The following SMARCA4 variants were observed in gnomAD, a reference collection of about 807,000 sequenced individuals.
SMARCA4 encodes the protein SWI/SNF-related matrix-associated actin-dependent regulator of chromatin subfamily A member 4.
SMARCA4 carries 31 observed loss-of-function variants against 193.9 expected under a neutral mutation model. The ratio of observed to expected loss-of-function variants is 0.16; its 90% CI spans 0.12 to 0.22. The LOEUF is 0.22. SMARCA4 is among the 10% of genes least tolerant of loss of function. SMARCA4 has a pLI of 1.00. For synonymous variants in SMARCA4, 942 were observed against 933.1 expected (o/e 1.01, Z -0.17); for missense variants, 1,148 against 2,296.0 (o/e 0.50, Z 10.22).
At chr19:11,017,810 C>G (rs1401755577) in intron 16 of SMARCA4, among the ~76,000 whole-genome samples, 1 of 152,258 alleles carries the variant, frequency 6.6e-6, no homozygotes, top group East Asian at 1.9e-4. Context: ...CAGCCTCCCC[C>G]AGGTTTCTGC....
chr19:10,984,613 G>A lies in SMARCA4; in HGVS notation c.222+240G>A, dbSNP rs961958451. Among the ~76,000 whole-genome samples the A allele has an allele frequency of 6.6e-6, 1 of 152,246 alleles. No individual in the cohort carries two copies. Among genetic ancestry groups the A allele is most frequent in the Non-Finnish European group, 1.5e-5 (1 of 68,038 alleles). Reference sequence around the variant, plus strand: ...GCGGGCACCTGCCCCACCGTTTCCCGCTCCCTTGCTTTCTGCATGTGAAAT... The same window carrying A: ...GCGGGCACCTGCCCCACCGTTTCCCACTCCCTTGCTTTCTGCATGTGAAAT... On this transcript the variant is annotated intron_variant, in intron 2 of 34. Coordinates refer to ENST00000344626, the MANE Select transcript of SMARCA4 (RefSeq NM_003072.5). This position sits in a 1 kb window ranked among gnomAD's most constrained non-coding sequence, Gnocchi z 4.3.
intron 30 of SMARCA4, among the ~76,000 whole-genome samples, chr19:11,055,547 G>C (rs1317615258): frequency 6.6e-6 from 1 of 152,014 alleles, no homozygotes; most frequent in African/African-American, 2.4e-5. Context: ...GGAGGTGGCT[G>C]TTGGGGTGGT....
At chr19:11,043,365 T>C (rs2075728635) in intron 30 of SMARCA4, among the ~76,000 whole-genome samples, 1 of 152,188 alleles carries the variant, frequency 6.6e-6, no homozygotes, top group Non-Finnish European at 1.5e-5. Context: ...ATATTCAAGT[T>C]CAATGCCAGA....
Position 11,022,648 on chromosome 19 carries a change from C to T in SMARCA4, c.2859+681C>T, listed in dbSNP as rs2146438261. Among the ~76,000 whole-genome samples, 3 of 152,334 alleles carry T rather than the reference C, an allele frequency of 2.0e-5. No homozygotes were observed. The South Asian group carries it at 6.2e-4, about 32-fold the overall frequency. On this transcript the variant is annotated intron_variant, in intron 19 of 34. Transcript: ENST00000344626. ...ACAGAGGTTACCTCGAAGTGCCCTG[C>T]CCAGCACGGCTGGGCCCACCCCCTT...
chr19:11,002,970 G>A (rs2087795870), intron 11 of SMARCA4, 59 bp from the exon 12 acceptor site: 9 of 1,607,194 alleles, frequency 5.6e-6, no homozygotes, highest in Non-Finnish European at 7.7e-6. Flanking sequence ...CTTGGCCTCT[G>A]TAAGTGTTTG....
chr19:10,963,081 C>T (rs961041840), intron 1 of SMARCA4, among the ~76,000 whole-genome samples: 3 of 152,048 alleles, frequency 2.0e-5, no homozygotes, highest in African/African-American at 4.8e-5. Context: ...GTGTAAAAGG[C>T]TTGGTGCAGG....
At position 11,019,766 on chromosome 19, in the gene SMARCA4, C is replaced by A; in HGVS notation, c.2616+65C>A. ...GTGCTCACACGTGGGTCACGCTGCCCGTCTCCTCCAAAGCCCCTACAAGTT... is the reference window on the plus strand; with the variant it reads ...GTGCTCACACGTGGGTCACGCTGCCAGTCTCCTCCAAAGCCCCTACAAGTT... On this transcript the variant is annotated intron_variant, in intron 18 of 34. Coordinates refer to ENST00000344626, the MANE Select transcript of SMARCA4 (RefSeq NM_003072.5). The surrounding 1 kb of genome is among the most constrained non-coding windows in gnomAD (Gnocchi z 6.1). 2.7e-6 allele frequency: 3 copies of A among 1,105,326 alleles called. No individual in the cohort carries two copies. Among genetic ancestry groups the A allele is most frequent in the South Asian group, 2.6e-5 (2 of 77,274 alleles). 68.5% of individuals were successfully genotyped at this position (1,105,326 alleles called of 1,614,324 possible). A position where few individuals can be genotyped will look rare whatever the true frequency, so the allele number is the denominator to read the frequency against.
chr19:11,007,812 C>A (rs2146185323), intron 13 of SMARCA4, 90 bp from the exon 14 acceptor site: 2 of 1,380,590 alleles, frequency 1.4e-6, no homozygotes, highest in Non-Finnish European at 2.0e-6. Flanking sequence ...GTAAGAAGAT[C>A]ACTTGCTTCT....
At position 11,019,391 on chromosome 19, in the gene SMARCA4, C is replaced by T. The variant is rs1175093227; in HGVS notation, c.2506-200C>T. ...GGCCGCCGCTGGCCTGCACTGCTTC[C>T]TCTTCCCCCTGCAGCGCGTGTTCTG... On this transcript the variant is annotated intron_variant, in intron 17 of 34. Transcript: ENST00000344626. This position sits in a 1 kb window ranked among gnomAD's most constrained non-coding sequence, Gnocchi z 6.1. 1 of 620,298 alleles carries T rather than the reference C, an allele frequency of 1.6e-6. No homozygotes were observed. The highest frequency in any genetic ancestry group is 2.9e-6 in the Non-Finnish European group (1 of 345,074). The allele number at this position is 620,298 out of a possible 1,614,324, so 38.4% of individuals were successfully genotyped here. A position where few individuals can be genotyped will look rare whatever the true frequency, so the allele number is the denominator to read the frequency against.
At chr19:11,015,374 T>C (rs567399030) in intron 16 of SMARCA4, among the ~76,000 whole-genome samples, 1 of 152,314 alleles carries the variant, frequency 6.6e-6, no homozygotes, top group East Asian at 1.9e-4. Context: ...TTTGTCCTGG[T>C]CGAGCTTGAC....
rs2088396848 is a variant in SMARCA4 at position 11,007,930 on chromosome 19, C to G, written c.2030C>G (p.Ala677Gly). 1 of 1,613,658 alleles carries G rather than the reference C, an allele frequency of 6.2e-7. No homozygotes were observed. The highest frequency in any genetic ancestry group is 1.1e-5 in the South Asian group (1 of 91,060). The change falls in exon 14 of 35, where the codon GCA becomes GGA. Residue 677 changes from alanine (A) to glycine (G), a missense_variant. Transcript: ENST00000344626. ...EEEEEEQPQA[A>G]QPPTLPVEEK... ...GAGGAGGAAGAGCAGCCGCAGGCAG[C>G]ACAGCCTCCCACCCTGCCCGTGGAG...
chr19:10,986,467 G>A lies in SMARCA4; in HGVS notation c.634G>A (p.Gly212Arg), dbSNP rs886937766. 6.4e-7 allele frequency: 1 copy of A among 1,556,004 alleles called. No homozygotes were observed. The highest frequency in any genetic ancestry group is 8.7e-7 in the Non-Finnish European group (1 of 1,150,818). Residue 212 changes from glycine (G) to arginine (R), a missense_variant, in exon 4 of 35, where the codon GGG (glycine) becomes AGG (arginine). Gly to Arg is a moderately radical substitution (Grantham distance 125, BLOSUM62 -2). Transcript: ENST00000344626. The surrounding 1 kb of genome is among the most constrained non-coding windows in gnomAD (Gnocchi z 6.7). ...GGTGCAGGGCAAGCGGCCGATGCCCGGGATGCAGCAGCAGATGCCAACGCT... is the reference window on the plus strand; with the variant it reads ...GGTGCAGGGCAAGCGGCCGATGCCCAGGATGCAGCAGCAGATGCCAACGCT... ...MAVQGKRPMPGMQQQMPTLPP... is the reference protein window; with the variant it reads ...MAVQGKRPMPRMQQQMPTLPP...
At chr19:11,028,593 G>A (rs1269033456) in intron 24 of SMARCA4, among the ~76,000 whole-genome samples, 3 of 152,224 alleles carry the variant, frequency 2.0e-5, no homozygotes, top group Non-Finnish European at 2.9e-5. Context: ...CTGCCAGGCA[G>A]GAGCAGCAGC....
Position 11,003,226 on chromosome 19 carries a change from G to C in SMARCA4, c.1943+67G>C, listed in dbSNP as rs2288844. On this transcript the variant is annotated intron_variant, in intron 12 of 34. Transcript: ENST00000344626. ...TCCTCGGTGGGCCTTGTTCCAGGGA[G>C]GTGGCAGCCAGGAGCAATTTTACTT... The C allele has an allele frequency of 3.7e-6, 6 of 1,611,078 alleles. No individual in the cohort carries two copies. The East Asian group carries it at 1.3e-4, about 36-fold the overall frequency.
chr19:10,988,156 T>C (rs2086234128), intron 6 of SMARCA4, among the ~76,000 whole-genome samples: 1 of 152,064 alleles, frequency 6.6e-6, no homozygotes, highest in Non-Finnish European at 1.5e-5. Context: ...GTTTCACTCT[T>C]GTTGCCCACG....
chr19:11,029,135 T>G (rs2090464088), intron 24 of SMARCA4, among the ~76,000 whole-genome samples: 1 of 152,172 alleles, frequency 6.6e-6, no homozygotes, highest in African/African-American at 2.4e-5. Flanking sequence ...CCTTGGGGGC[T>G]TCCCACTTTC....
At chr19:10,969,802 A>G (rs910000247) in intron 1 of SMARCA4, among the ~76,000 whole-genome samples, 2 of 151,660 alleles carry the variant, frequency 1.3e-5, no homozygotes, top group African/African-American at 2.4e-5. Flanking sequence ...TCTTGCCCTC[A>G]CTTGCACATC....
chr19:10,973,338 A>G lies in SMARCA4; in HGVS notation c.-31-10783A>G, dbSNP rs545767921. 4.4e-4 allele frequency among the ~76,000 whole-genome samples: 67 copies of G among 150,860 alleles called. 1 individual carries two copies. In the East Asian group the frequency reaches 0.013, roughly 29 times the overall value. On this transcript the variant is annotated intron_variant, in intron 1 of 34. Coordinates refer to ENST00000344626, the MANE Select transcript of SMARCA4 (RefSeq NM_003072.5). ...ACACGTCCCTGTGGGGTTAGAGGAC[A>G]CTCCCCTAAGGCAGAGAACCGTCCT...
intron 23 of SMARCA4, 82 bp from the exon 24 acceptor site, chr19:11,027,702 C>G (rs942364002): frequency 6.7e-7 from 1 of 1,491,010 alleles, no homozygotes. Flanking sequence ...TGGAGGCGGG[C>G]GATGCACCTC....
Sources: gnomAD v4.1 joint callset for allele counts (sites outside exome capture counted in the v4.1 genomes callset) on GRCh38, gnomAD v4.1.1 for gene constraint, Gnocchi (gnomAD v3.1) non-coding constraint, MANE v1.5 for transcripts, NCBI Gene and HGNC (gene_info 2026-07-23, HGNC 2026-07-21) for gene names.